The following HLCS variants were observed in gnomAD, a reference collection of about 807,000 sequenced individuals.
HLCS encodes biotin--protein ligase.
HLCS carries 53 observed loss-of-function variants against 75.0 expected under a neutral mutation model. The observed-to-expected ratio is 0.71, with a 90% CI of 0.57 to 0.89. The LOEUF is 0.89. Among genes scored for constraint, HLCS ranks in the 40% least tolerant of loss-of-function variants. The pLI, the probability that HLCS is intolerant of heterozygous loss-of-function variation, is 0.00. For missense variants in HLCS, 966 were observed against 1,074.0 expected, an observed-to-expected ratio of 0.90 and a Z score of 1.41; for synonymous variants, 431 against 428.6, an observed-to-expected ratio of 1.01 and a Z score of -0.07.
chr21:36,850,217 G>C (rs780563243), intron 6 of HLCS, among the ~76,000 whole-genome samples: 1 of 152,214 alleles, frequency 6.6e-6, no homozygotes, highest in African/African-American at 2.4e-5. Flanking sequence ...ACTTGGATTT[G>C]CACCTTAACA....
At chr21:36,806,261 T>C (rs2061356981) in intron 6 of HLCS, 1 of 152,312 alleles carries the variant, frequency 6.6e-6, no homozygotes, top group Admixed American at 6.6e-5. Context: ...ACACAGCTGG[T>C]AAGGGGGAGG....
intron 5 of HLCS, among the ~76,000 whole-genome samples, chr21:36,915,386 C>T (rs1015250473): frequency 2.6e-5 from 4 of 152,320 alleles, no homozygotes; most frequent in African/African-American, 7.2e-5. Context: ...GGCCCCATAT[C>T]AAGAGGCCAA....
chr21:36,882,192 G>C (rs2064250031), intron 6 of HLCS, among the ~76,000 whole-genome samples: 1 of 152,000 alleles, frequency 6.6e-6, no homozygotes, highest in Non-Finnish European at 1.5e-5. Flanking sequence ...TGAGGCAGGA[G>C]AATGGCATGA....
chr21:36,872,383 T>A (rs1337109054), intron 6 of HLCS, among the ~76,000 whole-genome samples: 2 of 147,612 alleles, frequency 1.4e-5, no homozygotes, highest in African/African-American at 2.6e-5. Context: ...AGAGCGAGCC[T>A]CTGTCTCAAA....
intron 5 of HLCS, among the ~76,000 whole-genome samples, chr21:36,919,346 A>T (rs751112119): frequency 3.3e-5 from 5 of 152,260 alleles, no homozygotes; most frequent in Non-Finnish European, 7.3e-5. Context: ...GTATTAACCT[A>T]CCGAGGCAAA....
intron 6 of HLCS, among the ~76,000 whole-genome samples, chr21:36,776,779 T>C (rs1402867236): frequency 6.6e-6 from 1 of 152,256 alleles, no homozygotes; most frequent in Non-Finnish European, 1.5e-5. Flanking sequence ...GAGTAAATAC[T>C]GTAGGCTCTG....
rs76397596 is a variant in HLCS, at chr21:36,942,467, G to A, written c.331-3473C>T. ...CTCTTCCTCACATCATGCAAACCAC[G>A]TACAAAAATTAACTCAAACTGGATC... is the stretch of plus-strand genomic sequence containing the variant. On this transcript the variant is annotated intron_variant, in intron 2 of 10. Transcript: ENST00000674895. 2.0e-3 allele frequency among the ~76,000 whole-genome samples: 289 copies of A among 146,654 alleles called. 10 individuals are homozygous for A. In the East Asian group the frequency reaches 0.047, roughly 24 times the overall value.
intron 6 of HLCS, among the ~76,000 whole-genome samples, chr21:36,823,004 T>C (rs2061893545): frequency 6.6e-6 from 1 of 152,240 alleles, no homozygotes; most frequent in Admixed American, 6.5e-5. Flanking sequence ...TCGGGTTTTC[T>C]TGACCTGTGA....
At chr21:36,871,484 G>C (rs950263736) in intron 6 of HLCS, among the ~76,000 whole-genome samples, 1 of 151,922 alleles carries the variant, frequency 6.6e-6, no homozygotes, top group Non-Finnish European at 1.5e-5. Context: ...CACCACAGAC[G>C]GCCCTTTATC....
intron 1 of HLCS, chr21:36,972,031 C>T (rs944204706): frequency 6.6e-6 from 1 of 152,100 alleles, no homozygotes; most frequent in African/African-American, 2.4e-5. Context: ...CCCAAGAGGG[C>T]ATCAATACAA....
chr21:36,943,593 G>A (rs62225495), intron 2 of HLCS: 2,493 of 152,242 alleles, frequency 0.016, 31 homozygotes, highest in Middle Eastern at 0.044. Context: ...GGCTGAGGCA[G>A]AAGGATCAGG....
At chr21:36,954,560 G>C (rs1036686191) in intron 2 of HLCS, among the ~76,000 whole-genome samples, 2 of 151,140 alleles carry the variant, frequency 1.3e-5, no homozygotes, top group African/African-American at 4.9e-5. Flanking sequence ...AGCTTGCAGC[G>C]AGCCGAGATG....
At chr21:36,855,062 A>C (rs896467194) in intron 6 of HLCS, among the ~76,000 whole-genome samples, 2 of 151,888 alleles carry the variant, frequency 1.3e-5, no homozygotes, top group Non-Finnish European at 2.9e-5. Context: ...AAGACCTTGC[A>C]GCCATCATAT....
intron 9 of HLCS, among the ~76,000 whole-genome samples, chr21:36,759,491 T>C (rs1187583703): frequency 6.6e-6 from 1 of 152,242 alleles, no homozygotes; most frequent in Non-Finnish European, 1.5e-5. Context: ...TGTAGGAACA[T>C]ACCTGTTTGA....
At chr21:36,875,182 G>A (rs549568887) in intron 6 of HLCS, among the ~76,000 whole-genome samples, 36 of 152,036 alleles carry the variant, frequency 2.4e-4, no homozygotes, top group African/African-American at 8.4e-4. Flanking sequence ...TGATGGCAGC[G>A]GGAGGCAGAC....
intron 6 of HLCS, among the ~76,000 whole-genome samples, chr21:36,779,091 G>A (rs2060449344): frequency 6.6e-6 from 1 of 152,124 alleles, no homozygotes; most frequent in South Asian, 2.1e-4. Flanking sequence ...TATTCATGGA[G>A]GATTTGTTCC....
At chr21:36,893,521 C>G (rs970805998) in intron 6 of HLCS, among the ~76,000 whole-genome samples, 5 of 152,166 alleles carry the variant, frequency 3.3e-5, no homozygotes, top group African/African-American at 1.2e-4. Context: ...AGTCCCCAAC[C>G]TTTTTGGCAC....
At position 36,929,701 on chromosome 21, in the gene HLCS, G is replaced by A. The variant is rs1403059851; in HGVS notation, c.1620+550C>T. On this transcript the variant is annotated intron_variant, in intron 5 of 10. Transcript: ENST00000674895. ...TATGGCCAAGCAGGGGGATTAGCAA[G>A]AACCTACACCTGGAGAATCTGGCGA... Among the ~76,000 whole-genome samples, 4 of 152,196 alleles carry A rather than the reference G, an allele frequency of 2.6e-5. No individual in the cohort carries two copies. In the East Asian group the frequency reaches 7.7e-4, roughly 29 times the overall value.
intron 6 of HLCS, among the ~76,000 whole-genome samples, chr21:36,787,238 T>G (rs1375356763): frequency 2.0e-5 from 3 of 152,188 alleles, no homozygotes; most frequent in Non-Finnish European, 1.5e-5. Context: ...CAGTTTTGGA[T>G]GTTCCTCCGA....
Sources: allele counts gnomAD v4.1 joint callset (sites outside exome capture counted in the v4.1 genomes callset), GRCh38; gene constraint gnomAD v4.1.1; transcripts MANE v1.5; gene names NCBI Gene and HGNC (gene_info 2026-07-23, HGNC 2026-07-21).